Variants in DPY19L1 observed in about 807,000 individuals in gnomAD.
The protein encoded by DPY19L1 is protein C-mannosyl-transferase DPY19L1.
A neutral mutation model predicts 96.9 loss-of-function variants in DPY19L1; 35 were observed. The observed-to-expected ratio is 0.36, with a 90% CI of 0.28 to 0.48. DPY19L1 has a LOEUF of 0.48. DPY19L1 is among the 20% of genes least tolerant of loss of function. DPY19L1 has a pLI of 0.99. For synonymous variants in DPY19L1, 205 were observed against 252.6 expected, an observed-to-expected ratio of 0.81 and a Z score of 1.79; for missense variants, 521 against 777.9, an observed-to-expected ratio of 0.67 and a Z score of 3.93.
At chr7:34,951,139 A>C (rs1373211910) in intron 13 of DPY19L1, among the ~76,000 whole-genome samples, 3 of 152,136 alleles carry the variant, frequency 2.0e-5, no homozygotes. Flanking sequence ...ACATATCTGC[A>C]GTTAAAAATA....
At chr7:35,017,496 C>T (rs1444438867) in intron 3 of DPY19L1, among the ~76,000 whole-genome samples, 5 of 24,490 alleles carry the variant, frequency 2.0e-4, no homozygotes, top group African/African-American at 8.9e-4. Flanking sequence ...AGCGAGACTC[C>T]GTCTCAAAAA....
intron 9 of DPY19L1, among the ~76,000 whole-genome samples, chr7:34,967,544 T>C (rs902981407): frequency 2.6e-5 from 4 of 152,206 alleles, no homozygotes; most frequent in African/African-American, 9.6e-5. Flanking sequence ...CTTTTCCATT[T>C]GGAAGAAAAT....
intron 7 of DPY19L1, among the ~76,000 whole-genome samples, chr7:34,977,325 T>A (rs1784850995): frequency 6.6e-6 from 1 of 152,184 alleles, no homozygotes. Flanking sequence ...ATGTACAATT[T>A]GAGAATTTTC....
intron 1 of DPY19L1, among the ~76,000 whole-genome samples, chr7:35,026,741 T>C (rs1210851388): frequency 1.3e-5 from 2 of 152,152 alleles, no homozygotes; most frequent in Non-Finnish European, 2.9e-5. Flanking sequence ...AGGGAGAGGT[T>C]GGCAAAACGT....
At chr7:35,030,642 A>C (rs1786237912) in intron 1 of DPY19L1, among the ~76,000 whole-genome samples, 1 of 152,214 alleles carries the variant, frequency 6.6e-6, no homozygotes, top group East Asian at 1.9e-4. Context: ...GATGCCAGAA[A>C]AACACAAACA....
intron 7 of DPY19L1, among the ~76,000 whole-genome samples, chr7:34,984,783 A>G (rs1396112962): frequency 1.3e-5 from 2 of 151,820 alleles, no homozygotes; most frequent in Admixed American, 6.6e-5. Flanking sequence ...CACTCCAAAT[A>G]GACCCTATAA....
At chr7:35,003,488 A>T (rs1785480141) in intron 6 of DPY19L1, among the ~76,000 whole-genome samples, 2 of 152,224 alleles carry the variant, frequency 1.3e-5, no homozygotes, top group Non-Finnish European at 2.9e-5. Context: ...CATCAGTTAA[A>T]GACACTTATA....
At position 34,973,587 on chromosome 7, in the gene DPY19L1, TC is replaced by T; in HGVS notation, c.840del (p.Trp280Ter). On this transcript the variant is annotated frameshift_variant, in exon 8 of 22. Transcript: ENST00000638088. LOFTEE classifies it high-confidence loss of function. ...FNHGECTRVM[W>X]TPPLRESFSY... ...GAGAAGCTTTCACGGAGAGGTGGTGTCCACATTACACGGGTACACTGAAAAA... is the reference window on the plus strand; with the variant it reads ...GAGAAGCTTTCACGGAGAGGTGGTGTCACATTACACGGGTACACTGAAAAA... The T allele has an allele frequency of 6.6e-7, 1 of 1,519,432 alleles. No individual in the cohort carries two copies. The highest frequency in any genetic ancestry group is 1.4e-5 in the South Asian group (1 of 70,782). 94.1% of individuals were successfully genotyped at this position (1,519,432 alleles called of 1,614,324 possible). A position where few individuals can be genotyped will look rare whatever the true frequency, so the allele number is the denominator to read the frequency against.
intron 6 of DPY19L1, among the ~76,000 whole-genome samples, chr7:35,001,256 A>T: frequency 6.6e-6 from 1 of 152,238 alleles, no homozygotes; most frequent in East Asian, 1.9e-4. Context: ...CATTGGAAAA[A>T]TACTTCCTAA....
chr7:35,019,575 G>C (rs1271193015), intron 1 of DPY19L1, among the ~76,000 whole-genome samples: 1 of 151,768 alleles, frequency 6.6e-6, no homozygotes, highest in Non-Finnish European at 1.5e-5. Context: ...GGAGAAGGAA[G>C]AGGAAAGAAG....
intron 9 of DPY19L1, 48 bp downstream of exon 9, chr7:34,969,385 T>C (rs374084345): frequency 4.6e-5 from 50 of 1,087,700 alleles, no homozygotes; most frequent in African/African-American, 4.4e-4. Flanking sequence ...TGAGCTCACA[T>C]AGTCAAACAT....
intron 17 of DPY19L1, 93 bp from the exon 18 acceptor site, chr7:34,941,977 T>C (rs892690041): frequency 3.8e-6 from 5 of 1,314,414 alleles, no homozygotes; most frequent in Non-Finnish European, 5.1e-6. Context: ...ACGTTCTCCT[T>C]AGTAACAAAA....
intron 21 of DPY19L1, among the ~76,000 whole-genome samples, 164 bp downstream of exon 21, chr7:34,937,830 G>A (rs182067651): frequency 3.3e-5 from 5 of 152,132 alleles, no homozygotes; most frequent in Admixed American, 3.3e-4. Context: ...GTGCACTCCA[G>A]CCTGGGCAAC....
At chr7:34,976,909 G>A (rs369613211) in intron 7 of DPY19L1, among the ~76,000 whole-genome samples, 1 of 151,716 alleles carries the variant, frequency 6.6e-6, no homozygotes, top group East Asian at 1.9e-4. Flanking sequence ...TCAGCCTCCC[G>A]AGTAGCTGGG....
At chr7:34,960,433 T>C (rs1784478311) in intron 10 of DPY19L1, among the ~76,000 whole-genome samples, 1 of 152,126 alleles carries the variant, frequency 6.6e-6, no homozygotes, top group Non-Finnish European at 1.5e-5. Context: ...TTATCAAGAA[T>C]CTTCATATTT....
chr7:34,984,086 T>C (rs566800193), intron 7 of DPY19L1, among the ~76,000 whole-genome samples: 34 of 152,308 alleles, frequency 2.2e-4, no homozygotes, highest in Non-Finnish European at 3.8e-4. Context: ...CCTATAATTC[T>C]TATTAAGCAA....
At chr7:34,941,999 G>T in intron 17 of DPY19L1, 115 bp from the exon 18 acceptor site, 3 of 1,109,688 alleles carry the variant, frequency 2.7e-6, no homozygotes, top group South Asian at 1.8e-5. Flanking sequence ...ATACTACTAA[G>T]GTTTCTGAAA....
At chr7:35,029,620 T>C (rs1299727954) in intron 1 of DPY19L1, among the ~76,000 whole-genome samples, 1 of 152,206 alleles carries the variant, frequency 6.6e-6, no homozygotes, top group Non-Finnish European at 1.5e-5. Context: ...TTTACTGTGT[T>C]GTTATATCAT....
intron 8 of DPY19L1, among the ~76,000 whole-genome samples, chr7:34,970,634 T>C (rs1356727736): frequency 6.6e-6 from 1 of 152,176 alleles, no homozygotes; most frequent in Non-Finnish European, 1.5e-5. Context: ...AGCATTTCTC[T>C]ACTGCTTTTG....
Sources: gnomAD v4.1 joint callset for allele counts (sites outside exome capture counted in the v4.1 genomes callset) on GRCh38, gnomAD v4.1.1 for gene constraint, MANE v1.5 for transcripts, NCBI Gene and HGNC (gene_info 2026-07-23, HGNC 2026-07-21) for gene names.